CCDC134: variants seen among roughly 807,000 people sequenced by gnomAD.
CCDC134 encodes the protein coiled-coil domain containing 134.
Under a neutral mutation model 25.6 loss-of-function variants are expected in CCDC134, and 27 were observed. That is an observed-to-expected ratio of 1.05 (90% CI 0.78 to 1.45). The LOEUF (loss-of-function observed/expected upper bound fraction) is 1.45. CCDC134 is among the 40% of genes most tolerant of loss of function. CCDC134 has a pLI of 0.00. For missense variants in CCDC134, 261 were observed against 286.7 expected (o/e 0.91, Z 0.65); for synonymous variants, 110 against 115.0 (o/e 0.96, Z 0.28).
In CCDC134 at chr22:41,813,935, C is replaced by T. The variant is rs151205834; in HGVS notation, c.564+113C>T. 1.3e-3 allele frequency: 1,155 copies of T among 859,390 alleles called. 5 individuals carry two copies. The African/African-American group carries it at 0.017, about 13-fold the overall frequency. 53.2% of individuals were successfully genotyped at this position (859,390 alleles called of 1,614,324 possible). On this transcript the variant is annotated intron_variant, in intron 6 of 6. Transcript: ENST00000255784. ...GGCTTTGGACTTGGAGCCAGGCAGC[C>T]TGGGCCTGGGTCCAGAAGATATCAC...
At chr22:41,818,379 A>G (rs2076632706) in intron 6 of CCDC134, among the ~76,000 whole-genome samples, 1 of 152,202 alleles carries the variant, frequency 6.6e-6, no homozygotes, top group Non-Finnish European at 1.5e-5. Context: ...CAGAAACCAT[A>G]TTGTTTGCAC....
intron 6 of CCDC134, among the ~76,000 whole-genome samples, chr22:41,815,255 G>GAGTAC (rs1208333403): frequency 2.7e-5 from 4 of 148,748 alleles, no homozygotes; most frequent in Non-Finnish European, 5.9e-5. Flanking sequence ...GCCCAGGCTG[G>GAGTAC]AGTACAGTGG....
intron 1 of CCDC134, among the ~76,000 whole-genome samples, chr22:41,806,164 C>G (rs891478282): frequency 1.3e-5 from 2 of 148,160 alleles, no homozygotes; most frequent in Non-Finnish European, 3.0e-5. Context: ...CCACAGATGA[C>G]AAAGACTTGG....
intron 1 of CCDC134, among the ~76,000 whole-genome samples, chr22:41,801,813 T>A (rs2076545034): frequency 6.6e-6 from 1 of 152,204 alleles, no homozygotes; most frequent in Admixed American, 6.5e-5. Flanking sequence ...AAAAAAATGA[T>A]GTTTACTTGG....
At chr22:41,805,088 G>C (rs1198121723) in intron 1 of CCDC134, among the ~76,000 whole-genome samples, 2 of 151,970 alleles carry the variant, frequency 1.3e-5, no homozygotes, top group African/African-American at 4.8e-5. Flanking sequence ...AAAAAAGAGA[G>C]AGAGCAAAGT....
In CCDC134 at chr22:41,809,919, G is replaced by T. The variant is rs372146018; in HGVS notation, c.144G>T (p.Leu48Phe). The part of the protein sequence containing the change: ...MFEVKRREQL[L>F]ALKNLAQLND... ...AGGTGAAGCGGCGGGAGCAGCTGTT[G>T]GCACTGAAGAACCTGGCACAGCTGA... Residue 48 changes from leucine (L) to phenylalanine (F), a missense_variant, in exon 3 of 7, where the codon TTG (leucine) becomes TTT (phenylalanine). Transcript: ENST00000255784. 4 of 1,614,108 alleles carry T rather than the reference G, an allele frequency of 2.5e-6. No individual in the cohort carries two copies. The highest frequency in any genetic ancestry group is 3.4e-6 in the Non-Finnish European group (4 of 1,180,026).
intron 4 of CCDC134, among the ~76,000 whole-genome samples, chr22:41,811,554 G>C (rs1222791127): frequency 6.6e-6 from 1 of 152,044 alleles, no homozygotes; most frequent in Non-Finnish European, 1.5e-5. Context: ...TCAGCCTCCC[G>C]AGTAGCTGGA....
At position 41,828,618 on chromosome 22, in the gene CCDC134, T is replaced by G. The variant is rs1240450561; in HGVS notation, c.*2795T>G. 6.6e-6 allele frequency among the ~76,000 whole-genome samples: 1 copy of G among 152,186 alleles called. No individual in the cohort carries two copies. The highest frequency in any genetic ancestry group is 1.5e-5 in the Non-Finnish European group (1 of 68,028). ...TTACTGCCACTATTGATTGTTATAG[T>G]CACTTGCTCCAGGAAGTCCACTTGC... On this transcript the variant is annotated 3_prime_UTR_variant, in exon 7 of 7. Coordinates refer to ENST00000255784, the MANE Select transcript of CCDC134 (RefSeq NM_024821.5).
intron 1 of CCDC134, among the ~76,000 whole-genome samples, chr22:41,803,758 AC>A (rs2076554974): frequency 6.6e-6 from 1 of 152,096 alleles, no homozygotes; most frequent in Admixed American, 6.6e-5. Flanking sequence ...ACAGAGTGAG[AC>A]TCTGTCTCCA....
At position 41,825,026 on chromosome 22, in the gene CCDC134, C is replaced by T. The variant is rs894855502; in HGVS notation, c.565-672C>T. Among the ~76,000 whole-genome samples, 3 of 151,990 alleles carry T rather than the reference C, an allele frequency of 2.0e-5. No homozygotes were observed. Among genetic ancestry groups the T allele is most frequent in the African/African-American group, 7.3e-5 (3 of 41,350 alleles). ...GTGGGGCTCCTCGGTTTCTGCCCTG[C>T]TGCTCATCAGAACAGGGACTCTGGG... On this transcript the variant is annotated intron_variant, in intron 6 of 6. Transcript: ENST00000255784. The surrounding 1 kb of genome is among the most constrained non-coding windows in gnomAD (Gnocchi z 4.4).
chr22:41,812,233 A>G (rs771327744), intron 4 of CCDC134, among the ~76,000 whole-genome samples: 1 of 152,060 alleles, frequency 6.6e-6, no homozygotes, highest in Admixed American at 6.6e-5. Flanking sequence ...CAGCCTGGCC[A>G]AACACGGTGA....
chr22:41,822,019 C>T (rs763788958), intron 6 of CCDC134, among the ~76,000 whole-genome samples: 2 of 151,960 alleles, frequency 1.3e-5, no homozygotes, highest in East Asian at 1.9e-4. Flanking sequence ...GCTGGATTGC[C>T]GGCAGCACGG....
At chr22:41,824,641 T>G (rs1402415115) in intron 6 of CCDC134, among the ~76,000 whole-genome samples, 1 of 152,054 alleles carries the variant, frequency 6.6e-6, no homozygotes, top group Non-Finnish European at 1.5e-5. Flanking sequence ...GCGCTTGTAA[T>G]CCCAGCTACT....
rs775436788 is a variant in CCDC134 at position 41,813,284 on chromosome 22, A to T, written c.331A>T (p.Asn111Tyr). 1 of 1,614,108 alleles carries T rather than the reference A, an allele frequency of 6.2e-7. No individual in the cohort carries two copies. The highest frequency in any genetic ancestry group is 1.7e-5 in the Admixed American group (1 of 60,024). ...LKDAFSHVVE[N>Y]TAFFGDVVLR... ...GCCAGCTTTCTCCCACGTGGTGGAG[A>T]ACACGGCCTTCTTCGGCGATGTGGT... The change falls in exon 5 of 7, where the codon AAC (asparagine) becomes TAC (tyrosine). Residue 111 changes from asparagine to tyrosine, a missense_variant. Asn to Tyr is a moderately radical substitution (Grantham distance 143, BLOSUM62 -2). Coordinates refer to ENST00000255784, the MANE Select transcript of CCDC134 (RefSeq NM_024821.5).
intron 1 of CCDC134, among the ~76,000 whole-genome samples, chr22:41,804,753 G>A (rs2076560085): frequency 6.6e-6 from 1 of 152,194 alleles, no homozygotes; most frequent in South Asian, 2.1e-4. Flanking sequence ...GGTAATATAA[G>A]CAATATTTGT....
chr22:41,807,536 T>A (rs1569353718), intron 1 of CCDC134, among the ~76,000 whole-genome samples: 1 of 143,150 alleles, frequency 7.0e-6, no homozygotes, highest in South Asian at 2.2e-4. Context: ...CACTCCAGCC[T>A]GGGCAGCAGA....
At chr22:41,824,940 G>T (rs2148321718) in intron 6 of CCDC134, among the ~76,000 whole-genome samples, 1 of 152,164 alleles carries the variant, frequency 6.6e-6, no homozygotes, top group Middle Eastern at 3.4e-3. Context: ...GAGATTTAGG[G>T]CTTGAAAGTA....
chr22:41,817,577 C>CA (rs2076628670), intron 6 of CCDC134, among the ~76,000 whole-genome samples: 1 of 151,834 alleles, frequency 6.6e-6, no homozygotes, highest in Non-Finnish European at 1.5e-5. Context: ...ACTAAAAATA[C>CA]AAAAATTAGC....
At chr22:41,803,394 T>C (rs1422979290) in intron 1 of CCDC134, among the ~76,000 whole-genome samples, 2 of 152,202 alleles carry the variant, frequency 1.3e-5, no homozygotes, top group Non-Finnish European at 1.5e-5. Context: ...TTTGCTGTCA[T>C]TGCAAACTTC....
Sources: allele counts gnomAD v4.1 joint callset (sites outside exome capture counted in the v4.1 genomes callset), GRCh38; gene constraint gnomAD v4.1.1; non-coding constraint Gnocchi (gnomAD v3.1); transcripts MANE v1.5; gene names NCBI Gene and HGNC (gene_info 2026-07-23, HGNC 2026-07-21).